Variants in MYLK observed in about 807,000 individuals in gnomAD.
MYLK encodes myosin light chain kinase.
Under a neutral mutation model 203.4 loss-of-function variants are expected in MYLK, and 106 were observed. That is an observed-to-expected ratio of 0.52 (90% CI 0.45 to 0.61). MYLK has a LOEUF of 0.61. Among genes scored for constraint, MYLK ranks in the 20% least tolerant of loss-of-function variants. The pLI, the probability that MYLK is intolerant of heterozygous loss-of-function variation, is 0.00. For synonymous variants in MYLK, 867 were observed against 959.5 expected, an observed-to-expected ratio of 0.90 and a Z score of 1.78; for missense variants, 2,072 against 2,442.3, an observed-to-expected ratio of 0.85 and a Z score of 3.20.
intron 3 of MYLK, among the ~76,000 whole-genome samples, chr3:123,799,279 T>G (rs2065108629): frequency 6.6e-6 from 1 of 152,030 alleles, no homozygotes; most frequent in Non-Finnish European, 1.5e-5. Flanking sequence ...GAAGCAGCAT[T>G]GAGTTAACTG....
chr3:123,876,501 AG>A (rs2033161785), intron 2 of MYLK, 57 bp downstream of exon 2: 1 of 152,214 alleles, frequency 6.6e-6, no homozygotes, highest in African/African-American at 2.4e-5. Flanking sequence ...TACGAATCTT[AG>A]TGGCTATAAT....
intron 19 of MYLK, among the ~76,000 whole-genome samples, chr3:123,687,571 CCTTCCTTCCTTCCTTT>C (rs1171032757): frequency 6.6e-6 from 1 of 151,720 alleles, no homozygotes; most frequent in African/African-American, 2.4e-5. Context: ...AGCACCTGAC[CCTTCCTTCCTTCCTTT>C]CTTCCTTCCT....
chr3:123,713,166 G>C (rs1242732514), intron 13 of MYLK, among the ~76,000 whole-genome samples: 1 of 152,128 alleles, frequency 6.6e-6, no homozygotes, highest in South Asian at 2.1e-4. Context: ...CATTGCCCCC[G>C]GTCCTGTGTT....
intron 2 of MYLK, among the ~76,000 whole-genome samples, chr3:123,871,767 C>A (rs1375208169): frequency 1.3e-5 from 2 of 150,918 alleles, no homozygotes; most frequent in Admixed American, 1.3e-4. Context: ...TATGCAAACT[C>A]TTCCAGAAAA....
In MYLK at chr3:123,706,755, T is replaced by C. The variant is rs149201174; in HGVS notation, c.2390+999A>G. Among the ~76,000 whole-genome samples, 912 of 140,810 alleles carry C rather than the reference T, an allele frequency of 6.5e-3. 2 individuals carry two copies. Among genetic ancestry groups the C allele is most frequent in the Non-Finnish European group, 0.01 (701 of 67,876 alleles). 92.4% of individuals were successfully genotyped at this position (140,810 alleles called of 152,430 possible). ...TGTAGCAGTGTGCCTCATGGAAATG[T>C]AGCAGTGTGCCTCATGGAAATGTAG... On this transcript the variant is annotated intron_variant, in intron 16 of 33. Transcript: ENST00000360304.
intron 23 of MYLK, among the ~76,000 whole-genome samples, chr3:123,661,341 T>C (rs1475650952): frequency 6.6e-6 from 1 of 152,104 alleles, no homozygotes; most frequent in Non-Finnish European, 1.5e-5. Context: ...AAGTTTAAAC[T>C]GATGCTTGCT....
At chr3:123,863,481 T>C (rs889334154) in intron 2 of MYLK, among the ~76,000 whole-genome samples, 4 of 151,840 alleles carry the variant, frequency 2.6e-5, no homozygotes, top group African/African-American at 9.7e-5. Flanking sequence ...AGAACTGGTA[T>C]TCAGAATAAA....
intron 18 of MYLK, among the ~76,000 whole-genome samples, chr3:123,698,548 C>T (rs188836455): frequency 3.9e-4 from 59 of 152,308 alleles, no homozygotes; most frequent in Admixed American, 9.1e-4. Context: ...TCTGAAGTCT[C>T]ACCCCAGCCC....
chr3:123,616,632 G>A (rs2057510047), intron 33 of MYLK: 1 of 152,190 alleles, frequency 6.6e-6, no homozygotes, highest in South Asian at 2.1e-4. Flanking sequence ...TGGAGGTGGG[G>A]CCTGGTGGGA....
chr3:123,762,377 A>C (rs2063563991), intron 4 of MYLK, among the ~76,000 whole-genome samples: 1 of 151,710 alleles, frequency 6.6e-6, no homozygotes, highest in Non-Finnish European at 1.5e-5. Context: ...CCACAGGCAC[A>C]TGCCACCATG....
At chr3:123,717,317 C>T (rs58893505) in intron 13 of MYLK, among the ~76,000 whole-genome samples, 218 of 152,352 alleles carry the variant, frequency 1.4e-3, no homozygotes, top group African/African-American at 5.1e-3. Flanking sequence ...GCCAAGCAAA[C>T]GCTGACTTCA....
chr3:123,667,257 A>G, intron 20 of MYLK, 70 bp from the exon 21 acceptor site: 1 of 1,482,782 alleles, frequency 6.7e-7, no homozygotes. Flanking sequence ...GATCCTAGGA[A>G]GATGCAGTCT....
chr3:123,818,525 C>CAA (rs955999382), intron 3 of MYLK, among the ~76,000 whole-genome samples: 1 of 151,910 alleles, frequency 6.6e-6, no homozygotes, highest in African/African-American at 2.4e-5. Flanking sequence ...CACAACTCTA[C>CAA]AAAAAAACAC....
chr3:123,649,429 T>A (rs1266139289), intron 24 of MYLK, among the ~76,000 whole-genome samples: 1 of 152,120 alleles, frequency 6.6e-6, no homozygotes, highest in Admixed American at 6.5e-5. Flanking sequence ...CTCCACCAGG[T>A]CTCCCCTCTG....
intron 2 of MYLK, among the ~76,000 whole-genome samples, chr3:123,843,381 T>A (rs577834459): frequency 6.6e-6 from 1 of 152,194 alleles, no homozygotes; most frequent in Non-Finnish European, 1.5e-5. Context: ...CCTTTCATCC[T>A]TCCTCTATGA....
chr3:123,827,713 A>G (rs2066171981), intron 3 of MYLK, among the ~76,000 whole-genome samples: 1 of 74,554 alleles, frequency 1.3e-5, no homozygotes, highest in Non-Finnish European at 2.4e-5. Flanking sequence ...ATATATATAT[A>G]TATATATATA....
At chr3:123,733,228 T>A in intron 10 of MYLK, 126 bp from the exon 11 acceptor site, 1 of 1,039,840 alleles carries the variant, frequency 9.6e-7, no homozygotes. Context: ...CCCTCCCACC[T>A]CTGAGTCTGC....
At chr3:123,696,667 T>C (rs820335) in intron 18 of MYLK, among the ~76,000 whole-genome samples, 104,066 of 151,990 alleles carry the variant, frequency 0.68, 39,087 homozygotes, top group Non-Finnish European at 0.87. Flanking sequence ...CCTTGCTTCT[T>C]GAACTGGTCA....
chr3:123,773,079 T>C (rs2063941078), intron 4 of MYLK, among the ~76,000 whole-genome samples: 1 of 152,082 alleles, frequency 6.6e-6, no homozygotes, highest in South Asian at 2.1e-4. Context: ...ATTTAAAAGA[T>C]TAAATATTAG....
Sources: gnomAD v4.1 joint callset for allele counts (sites outside exome capture counted in the v4.1 genomes callset) on GRCh38, gnomAD v4.1.1 for gene constraint, MANE v1.5 for transcripts, NCBI Gene and HGNC (gene_info 2026-07-23, HGNC 2026-07-21) for gene names.